The following CTNNA3 variants were observed in gnomAD, a reference collection of about 807,000 sequenced individuals.
CTNNA3 encodes the protein catenin alpha-3.
In CTNNA3, 76 loss-of-function variants were observed where a neutral mutation model predicts 95.7. The observed-to-expected ratio is 0.79, with a 90% CI of 0.66 to 0.96. CTNNA3 has a LOEUF of 0.96. CTNNA3 is among the 40% of genes least tolerant of loss of function. The pLI, the probability that CTNNA3 is intolerant of heterozygous loss-of-function variation, is 0.00. For synonymous variants in CTNNA3, 431 were observed against 374.4 expected (o/e 1.15, Z -1.74); for missense variants, 1,191 against 1,089.8 (o/e 1.09, Z -1.31).
intron 5 of CTNNA3, among the ~76,000 whole-genome samples, chr10:67,328,439 A>C (rs1841642403): frequency 1.3e-5 from 2 of 152,322 alleles, no homozygotes; most frequent in South Asian, 4.1e-4. Flanking sequence ...CAGTTCCCCT[A>C]GTCCTGCACC....
At chr10:67,023,470 T>C (rs1853159581) in intron 7 of CTNNA3, among the ~76,000 whole-genome samples, 1 of 152,088 alleles carries the variant, frequency 6.6e-6, no homozygotes, top group Non-Finnish European at 1.5e-5. Flanking sequence ...GAACGATGAC[T>C]AAAATCTACC....
At chr10:66,839,151 CAGA>C (rs1001751380) in intron 7 of CTNNA3, among the ~76,000 whole-genome samples, 6 of 152,136 alleles carry the variant, frequency 3.9e-5, no homozygotes, top group African/African-American at 1.2e-4. Context: ...CAAAGGGCCA[CAGA>C]AGGTTTTAAA....
chr10:67,574,699 G>C (rs975591075), intron 3 of CTNNA3, among the ~76,000 whole-genome samples: 7 of 150,816 alleles, frequency 4.6e-5, no homozygotes, highest in African/African-American at 1.5e-4. Flanking sequence ...TCGTGCCTCA[G>C]CCTTCTGACA....
At chr10:66,997,947 A>G (rs1038013685) in intron 7 of CTNNA3, among the ~76,000 whole-genome samples, 1 of 152,108 alleles carries the variant, frequency 6.6e-6, no homozygotes, top group African/African-American at 2.4e-5. Flanking sequence ...TTCCTCTTCA[A>G]GTTCACTACC....
chr10:66,896,694 G>C (rs1344202), intron 7 of CTNNA3, among the ~76,000 whole-genome samples: 5,528 of 152,204 alleles, frequency 0.036, 135 homozygotes, highest in Middle Eastern at 0.078. Context: ...CACCAGTCAC[G>C]GCCTTCCTCA....
intron 7 of CTNNA3, among the ~76,000 whole-genome samples, chr10:67,003,619 C>T (rs1017460998): frequency 6.6e-6 from 1 of 152,176 alleles, no homozygotes; most frequent in Non-Finnish European, 1.5e-5. Context: ...ACTTACTTAA[C>T]CATGAAACCT....
rs560077444 is a variant in CTNNA3 at position 66,700,542 on chromosome 10, T to C, written c.1281+65722A>G. On this transcript the variant is annotated intron_variant, in intron 9 of 17. Transcript: ENST00000433211. ...GTGTTTGGTTACTATTACTTTGTAG[T>C]ATAACTTGACATTAGGGAATGTCAT... 1.1e-3 allele frequency among the ~76,000 whole-genome samples: 168 copies of C among 152,330 alleles called. 1 individual carries two copies. Among genetic ancestry groups the C allele is most frequent in the African/African-American group, 3.9e-3 (164 of 41,566 alleles).
chr10:66,759,293 C>T (rs1839505183), intron 9 of CTNNA3, among the ~76,000 whole-genome samples: 1 of 152,144 alleles, frequency 6.6e-6, no homozygotes, highest in Non-Finnish European at 1.5e-5. Context: ...TTCATTGGAT[C>T]CTACTTGCTT....
At chr10:66,787,714 T>C (rs1247890861) in intron 7 of CTNNA3, among the ~76,000 whole-genome samples, 1 of 152,208 alleles carries the variant, frequency 6.6e-6, no homozygotes, top group East Asian at 1.9e-4. Flanking sequence ...CTTGTTTTCA[T>C]TTCAACCAGC....
chr10:66,914,732 G>A (rs1253426523), intron 7 of CTNNA3, among the ~76,000 whole-genome samples: 2 of 152,146 alleles, frequency 1.3e-5, no homozygotes, highest in Non-Finnish European at 2.9e-5. Flanking sequence ...AAAAGGCCAC[G>A]TAGTAAATAT....
At chr10:67,108,494 T>C (rs1858766424) in intron 7 of CTNNA3, among the ~76,000 whole-genome samples, 2 of 152,300 alleles carry the variant, frequency 1.3e-5, no homozygotes, top group South Asian at 4.1e-4. Flanking sequence ...TATTCATTTT[T>C]ATTATGGTAT....
intron 15 of CTNNA3, among the ~76,000 whole-genome samples, chr10:66,023,797 A>G (rs1468425746): frequency 2.6e-5 from 4 of 152,220 alleles, no homozygotes; most frequent in Non-Finnish European, 5.9e-5. Flanking sequence ...CTCTTGATAA[A>G]TAAAGTAATT....
intron 7 of CTNNA3, among the ~76,000 whole-genome samples, chr10:66,936,246 G>C (rs1017281730): frequency 2.6e-5 from 4 of 152,110 alleles, no homozygotes; most frequent in South Asian, 2.1e-4. Flanking sequence ...CATTAAGCTA[G>C]ATATAGACGA....
At chr10:67,486,400 G>C (rs1166408999) in intron 5 of CTNNA3, among the ~76,000 whole-genome samples, 1 of 152,004 alleles carries the variant, frequency 6.6e-6, no homozygotes, top group African/African-American at 2.4e-5. Context: ...GTTCTTGATA[G>C]TCTAGATATT....
chr10:66,305,001 C>T (rs968811942), intron 12 of CTNNA3, among the ~76,000 whole-genome samples: 1 of 152,068 alleles, frequency 6.6e-6, no homozygotes, highest in African/African-American at 2.4e-5. Context: ...TCTGGCTCCT[C>T]TCCCTTCTGC....
intron 12 of CTNNA3, among the ~76,000 whole-genome samples, chr10:66,362,730 A>T (rs1483588796): frequency 6.6e-6 from 1 of 152,054 alleles, no homozygotes; most frequent in Non-Finnish European, 1.5e-5. Flanking sequence ...ACCAAAAAAA[A>T]AAAGGTAATT....
At chr10:66,537,562 G>T (rs1911307) in intron 10 of CTNNA3, among the ~76,000 whole-genome samples, 148,359 of 149,410 alleles carry the variant, frequency 0.99, 73,659 homozygotes, top group Middle Eastern at 1. Context: ...AATTATAAAT[G>T]TATTTATAAT....
intron 11 of CTNNA3, among the ~76,000 whole-genome samples, chr10:66,495,801 G>A (rs564270002): frequency 1.3e-5 from 2 of 152,032 alleles, no homozygotes; most frequent in African/African-American, 2.4e-5. Flanking sequence ...GATTACAGGC[G>A]TGCACCACAA....
chr10:67,050,631 T>C (rs577220400), intron 7 of CTNNA3, among the ~76,000 whole-genome samples: 36 of 152,204 alleles, frequency 2.4e-4, no homozygotes, highest in Non-Finnish European at 4.3e-4. Flanking sequence ...ACGCTGAGGC[T>C]GATGTGATTG....
Sources: gnomAD v4.1 joint callset for allele counts (sites outside exome capture counted in the v4.1 genomes callset) on GRCh38, gnomAD v4.1.1 for gene constraint, MANE v1.5 for transcripts, NCBI Gene and HGNC (gene_info 2026-07-23, HGNC 2026-07-21) for gene names.